PDS5A: variants seen among roughly 807,000 people sequenced by gnomAD.
PDS5A encodes sister chromatid cohesion protein PDS5 homolog A.
Under a neutral mutation model 167.1 loss-of-function variants are expected in PDS5A, and 42 were observed. The observed-to-expected ratio is 0.25, with a 90% CI of 0.20 to 0.33. The LOEUF (loss-of-function observed/expected upper bound fraction) is 0.33. Among genes scored for constraint, PDS5A ranks in the 10% least tolerant of loss-of-function variants. PDS5A has a pLI of 1.00. For synonymous variants in PDS5A, 553 were observed against 554.6 expected, an observed-to-expected ratio of 1.00 and a Z score of 0.04; for missense variants, 1,033 against 1,605.9, an observed-to-expected ratio of 0.64 and a Z score of 6.10.
chr4:39,940,448 T>C (rs907087454), intron 2 of PDS5A, among the ~76,000 whole-genome samples: 1 of 152,138 alleles, frequency 6.6e-6, no homozygotes, highest in Non-Finnish European at 1.5e-5. Flanking sequence ...GCATTTGTTT[T>C]ATGCACCTTT....
chr4:39,955,419 T>C lies in PDS5A; in HGVS notation c.138+21021A>G, dbSNP rs560365888. On this transcript the variant is annotated intron_variant, in intron 2 of 32. Coordinates refer to ENST00000303538, the MANE Select transcript of PDS5A (RefSeq NM_001100399.2). ...GAGTTCGAGACCAGCCTGACCAACA[T>C]GGTGAAACCCCGTCTCTACCAAAAA... 1.5e-4 allele frequency among the ~76,000 whole-genome samples: 23 copies of C among 151,914 alleles called. 1 individual carries two copies. The South Asian group carries it at 3.1e-3, about 21-fold the overall frequency.
intron 17 of PDS5A, among the ~76,000 whole-genome samples, chr4:39,887,749 G>C (rs978325485): frequency 2.0e-5 from 3 of 152,116 alleles, no homozygotes; most frequent in African/African-American, 4.8e-5. Flanking sequence ...AAATGGTTCT[G>C]CACAGCTAAG....
intron 21 of PDS5A, among the ~76,000 whole-genome samples, chr4:39,871,232 C>T (rs1196005092): frequency 1.3e-5 from 2 of 152,002 alleles, no homozygotes; most frequent in Non-Finnish European, 2.9e-5. Flanking sequence ...AACAATGTGG[C>T]TATTATGTTA....
At chr4:39,866,081 C>G (rs981314969) in intron 23 of PDS5A, among the ~76,000 whole-genome samples, 2 of 152,194 alleles carry the variant, frequency 1.3e-5, no homozygotes, top group Admixed American at 6.5e-5. Flanking sequence ...AAGGCTTCAA[C>G]TCTCCCTTGA....
intron 2 of PDS5A, chr4:39,973,421 G>C: frequency 7.6e-7 from 1 of 1,315,460 alleles, no homozygotes; most frequent in Non-Finnish European, 1.1e-6. Context: ...GGAACGGTGT[G>C]GACAGCAGGA....
intron 2 of PDS5A, among the ~76,000 whole-genome samples, chr4:39,930,950 C>G (rs959653362): frequency 6.6e-6 from 1 of 152,162 alleles, no homozygotes; most frequent in Admixed American, 6.5e-5. Context: ...ATGCAATCAT[C>G]TATATTTCCA....
intron 2 of PDS5A, among the ~76,000 whole-genome samples, chr4:39,967,314 A>G (rs575471566): frequency 6.6e-6 from 1 of 151,664 alleles, no homozygotes; most frequent in East Asian, 2.0e-4. Flanking sequence ...CAAAAAGAAA[A>G]GAAAAGAAAC....
chr4:39,922,577 G>A (rs377024107), intron 6 of PDS5A, 45 bp downstream of exon 6: 34 of 1,443,320 alleles, frequency 2.4e-5, no homozygotes, highest in African/African-American at 1.7e-4. Context: ...TATGTGTGGC[G>A]TGACTGTTAA....
In PDS5A at chr4:39,913,638, C is replaced by T; in HGVS notation, c.965G>A (p.Arg322His). The T allele has an allele frequency of 2.5e-6, 4 of 1,603,010 alleles. No individual in the cohort carries two copies. Among genetic ancestry groups the T allele is most frequent in the East Asian group, 2.2e-5 (1 of 44,810 alleles). The stretch of plus-strand genomic sequence containing the variant: ...TCCAAGAAAACATTGCCAAAGAGGA[C>T]GATTCTGTGTTGCCAAATCAGAATC... ...SKDSDLATQN[R>H]PLWQCFLGRF... Residue 322 changes from arginine to histidine, a missense_variant, in exon 9 of 33, where the codon CGT (arginine) becomes CAT (histidine). By Grantham distance (29) the Arg-to-His change is conservative. Around this residue, in one of 4 missense-constraint regions of PDS5A, gnomAD observed 388 missense variants for 615.1 expected, o/e 0.63. Transcript: ENST00000303538.
At position 39,922,632 on chromosome 4, in the gene PDS5A, G is replaced by A; in HGVS notation, c.644C>T (p.Pro215Leu). ...LLDSILINLI[P>L]AHKNLNKQSF... is the part of the protein sequence containing the mutation. ...TCATACTTTACAGACCTTATGTGCA[G>A]GAATGAGGTTAATAAGAATGGAGTC... Residue 215 changes from proline to leucine, a missense_variant, in exon 6 of 33, where the codon CCT (proline) becomes CTT (leucine). By Grantham distance (98) the Pro-to-Leu change is moderately conservative (BLOSUM62 -3). Around this residue, in one of 4 missense-constraint regions of PDS5A, gnomAD observed 388 missense variants for 615.1 expected, o/e 0.63. Transcript: ENST00000303538. The A allele has an allele frequency of 6.3e-7, 1 of 1,585,836 alleles. No homozygotes were observed. The highest frequency in any genetic ancestry group is 1.2e-5 in the South Asian group (1 of 85,154).
At chr4:39,950,077 C>G (rs13150796) in intron 2 of PDS5A, among the ~76,000 whole-genome samples, 145,139 of 151,886 alleles carry the variant, frequency 0.96, 69,367 homozygotes, top group East Asian at 0.99. Context: ...GGCTTATTTT[C>G]TATGTTTTTA....
At position 39,942,177 on chromosome 4, in the gene PDS5A, G is replaced by A. The variant is rs368683022; in HGVS notation, c.139-14013C>T. Among the ~76,000 whole-genome samples the A allele has an allele frequency of 2.9e-4, 44 of 151,892 alleles. No individual in the cohort carries two copies. In the South Asian group the frequency reaches 7.9e-3, roughly 27 times the overall value. ...TTATAATTTTGTTTGCCTTTTCCACGTCTATACTTATACATATGTATATGT... is the reference window on the plus strand; with the variant it reads ...TTATAATTTTGTTTGCCTTTTCCACATCTATACTTATACATATGTATATGT... On this transcript the variant is annotated intron_variant, in intron 2 of 32. Coordinates refer to ENST00000303538, the MANE Select transcript of PDS5A (RefSeq NM_001100399.2).
intron 17 of PDS5A, among the ~76,000 whole-genome samples, chr4:39,885,258 A>G (rs2109604714): frequency 6.6e-6 from 1 of 150,972 alleles, no homozygotes; most frequent in African/African-American, 2.4e-5. Context: ...AAAAAAAAAA[A>G]AAAAAAAGAA....
chr4:39,959,933 A>G (rs184912545), intron 2 of PDS5A, among the ~76,000 whole-genome samples: 6 of 152,190 alleles, frequency 3.9e-5, no homozygotes, highest in Non-Finnish European at 8.8e-5. Context: ...CTCTACTAAA[A>G]ATACAAAAAT....
rs545941289 is a variant in PDS5A, at chr4:39,925,542, T to G, written c.527+294A>C. ...GTGGTTGCCTCTATTAGATAGTAAGTCCCTTCAAAACAAGAGCACCACTTT... is the reference window on the plus strand; with the variant it reads ...GTGGTTGCCTCTATTAGATAGTAAGGCCCTTCAAAACAAGAGCACCACTTT... On this transcript the variant is annotated intron_variant, in intron 5 of 32. Transcript: ENST00000303538. Among the ~76,000 whole-genome samples, 3 of 152,286 alleles carry G rather than the reference T, an allele frequency of 2.0e-5. No homozygotes were observed. The South Asian group carries it at 6.2e-4, about 32-fold the overall frequency.
chr4:39,878,018 T>C (rs1037816565), intron 18 of PDS5A, among the ~76,000 whole-genome samples: 1 of 152,228 alleles, frequency 6.6e-6, no homozygotes, highest in African/African-American at 2.4e-5. Context: ...AGCACGAGCC[T>C]GTCCTTAAAT....
In PDS5A at chr4:39,943,801, A is replaced by G. The variant is rs1274018194; in HGVS notation, c.139-15637T>C. Reference sequence around the variant, plus strand: ...CAGCCTGGGCAACAAAGCGAACCGTATCAAAAACAAACAAACAACAACAAC... The same window carrying G: ...CAGCCTGGGCAACAAAGCGAACCGTGTCAAAAACAAACAAACAACAACAAC... On this transcript the variant is annotated intron_variant, in intron 2 of 32. Transcript: ENST00000303538. Among the ~76,000 whole-genome samples the G allele has an allele frequency of 5.4e-5, 8 of 149,498 alleles. No homozygotes were observed. The Admixed American group carries it at 5.4e-4, about 10-fold the overall frequency.
chr4:39,874,144 G>T, intron 20 of PDS5A, 145 bp downstream of exon 20: 1 of 609,174 alleles, frequency 1.6e-6, no homozygotes, highest in Non-Finnish European at 2.8e-6. Flanking sequence ...ACATAAAATA[G>T]ACAGAATCCT....
At chr4:39,926,163 A>G (rs1348623591) in intron 4 of PDS5A, among the ~76,000 whole-genome samples, 2 of 152,112 alleles carry the variant, frequency 1.3e-5, no homozygotes, top group East Asian at 3.8e-4. Flanking sequence ...AAGTTGGTAG[A>G]TATATTTCCA....
Sources: gnomAD v4.1 joint callset for allele counts (sites outside exome capture counted in the v4.1 genomes callset) on GRCh38, gnomAD v4.1.1 for gene constraint, gnomAD v4.1.1 regional missense constraint, MANE v1.5 for transcripts, NCBI Gene and HGNC (gene_info 2026-07-23, HGNC 2026-07-21) for gene names.